SOX6: variants seen among roughly 807,000 people sequenced by gnomAD.
SOX6 encodes transcription factor SOX-6.
In SOX6, 11 loss-of-function variants were observed where a neutral mutation model predicts 97.8. That is an observed-to-expected ratio of 0.11 (90% CI 0.07 to 0.19). The LOEUF is 0.19. Ranked by LOEUF, SOX6 falls within the 10% of genes least tolerant of loss-of-function variation. The probability of loss-of-function intolerance (pLI) is 1.00; values close to 1 mark genes in which losing one functional copy is unlikely to be tolerated. For synonymous variants in SOX6, 360 were observed against 371.4 expected, an observed-to-expected ratio of 0.97 and a Z score of 0.35; for missense variants, 810 against 1,039.5, an observed-to-expected ratio of 0.78 and a Z score of 3.04.
rs972121737 is a variant in SOX6 at position 16,110,919 on chromosome 11, C to T, written c.898+884G>A. ...AACTGCTGCACGCAGATTTGTTGTACTCAGATTTGATGGTAAATATAATCA... is the reference window on the plus strand; with the variant it reads ...AACTGCTGCACGCAGATTTGTTGTATTCAGATTTGATGGTAAATATAATCA... On this transcript the variant is annotated intron_variant, in intron 7 of 15. Transcript: ENST00000683767. 4.6e-5 allele frequency among the ~76,000 whole-genome samples: 7 copies of T among 152,142 alleles called. No homozygotes were observed. In the East Asian group the frequency reaches 1.3e-3, roughly 29 times the overall value.
intron 1 of SOX6, among the ~76,000 whole-genome samples, chr11:16,399,869 T>C (rs532207672): frequency 2.2e-4 from 34 of 151,522 alleles, no homozygotes; most frequent in Middle Eastern, 3.4e-3. Flanking sequence ...TCAAGTGCCA[T>C]GATTTGATTT....
At chr11:16,515,028 G>C (rs1453705106) in intron 4 of SOX6, among the ~76,000 whole-genome samples, 2 of 151,724 alleles carry the variant, frequency 1.3e-5, no homozygotes, top group African/African-American at 4.8e-5. Context: ...TGTCTTTATA[G>C]CAGCATGATT....
At chr11:16,034,171 T>C (rs1315953028) in intron 12 of SOX6, among the ~76,000 whole-genome samples, 2 of 152,192 alleles carry the variant, frequency 1.3e-5, no homozygotes, top group Non-Finnish European at 2.9e-5. Context: ...AAAAATTATG[T>C]TGACTCTCAA....
intron 4 of SOX6, chr11:16,567,259 G>C (rs2133196156): frequency 6.5e-6 from 1 of 152,982 alleles, no homozygotes; most frequent in South Asian, 2.1e-4. Context: ...ATCAAAGAGA[G>C]ACTTCTAAGA....
chr11:15,994,813 G>A (rs540710463), intron 13 of SOX6, among the ~76,000 whole-genome samples: 1 of 152,016 alleles, frequency 6.6e-6, no homozygotes. Context: ...TATCAGCCCT[G>A]TCCTCCAATA....
intron 4 of SOX6, among the ~76,000 whole-genome samples, chr11:16,503,648 T>C (rs1860741767): frequency 6.6e-6 from 1 of 152,208 alleles, no homozygotes; most frequent in African/African-American, 2.4e-5. Flanking sequence ...GCTATACTTA[T>C]GTCAGATAAC....
chr11:16,485,756 T>C (rs1321600347), intron 4 of SOX6, among the ~76,000 whole-genome samples: 1 of 148,046 alleles, frequency 6.8e-6, no homozygotes, highest in Admixed American at 6.7e-5. Context: ...TAGCCAGGCA[T>C]GGTGGCACAC....
chr11:16,276,024 T>A (rs1854391652), intron 3 of SOX6, among the ~76,000 whole-genome samples: 1 of 152,202 alleles, frequency 6.6e-6, no homozygotes, highest in Non-Finnish European at 1.5e-5. Context: ...GTACTTTAAA[T>A]ATATGAATTG....
intron 4 of SOX6, among the ~76,000 whole-genome samples, chr11:16,546,264 A>G (rs1230467711): frequency 6.6e-6 from 1 of 152,186 alleles, no homozygotes. Flanking sequence ...TGTTAAAATG[A>G]CCATACTACC....
At chr11:16,681,284 G>C (rs1357273785) in intron 3 of SOX6, among the ~76,000 whole-genome samples, 1 of 152,092 alleles carries the variant, frequency 6.6e-6, no homozygotes, top group Non-Finnish European at 1.5e-5. Flanking sequence ...GCAATCAAAT[G>C]AGAACTCAGG....
Position 16,650,800 on chromosome 11 carries a change from AG to A in SOX6, n.430-38541del, listed in dbSNP as rs1208720767. ...GAGCAGAACTAAATGAAATTGAAAC[AG>A]AAAAAAAAAATACAAAAGATAAATG... On this transcript the variant is annotated intron_variant and non_coding_transcript_variant, in intron 3 of 5. Transcript: ENST00000524520. 1.2e-4 allele frequency among the ~76,000 whole-genome samples: 7 copies of A among 57,486 alleles called. No individual in the cohort carries two copies. The South Asian group carries it at 3.1e-3, about 26-fold the overall frequency. The allele number at this position is 57,486 out of a possible 152,430, so 37.7% of individuals were successfully genotyped here. A position where few individuals can be genotyped will look rare whatever the true frequency, so the allele number is the denominator to read the frequency against.
intron 7 of SOX6, among the ~76,000 whole-genome samples, chr11:16,108,938 T>A (rs1375872336): frequency 6.6e-6 from 1 of 152,122 alleles, no homozygotes; most frequent in Non-Finnish European, 1.5e-5. Context: ...CCCAAGGTAG[T>A]CCTTGCTCTC....
chr11:16,596,095 C>T (rs1414828417), intron 4 of SOX6, among the ~76,000 whole-genome samples: 1 of 152,148 alleles, frequency 6.6e-6, no homozygotes, highest in African/African-American at 2.4e-5. Flanking sequence ...ACAGAAATAA[C>T]ACCTAGATCT....
intron 15 of SOX6, among the ~76,000 whole-genome samples, chr11:15,983,040 C>A (rs557767672): frequency 1.6e-4 from 24 of 152,158 alleles, no homozygotes; most frequent in African/African-American, 5.5e-4. Flanking sequence ...ATGTGTCCAA[C>A]ACTTTATTAA....
chr11:16,624,948 G>A (rs1015670951), intron 3 of SOX6, among the ~76,000 whole-genome samples: 1 of 152,008 alleles, frequency 6.6e-6, no homozygotes, highest in Non-Finnish European at 1.5e-5. Flanking sequence ...CAAGGTCTTT[G>A]ATCTTTTTTT....
At chr11:16,125,033 AG>A (rs1463347631) in intron 6 of SOX6, among the ~76,000 whole-genome samples, 4 of 152,074 alleles carry the variant, frequency 2.6e-5, no homozygotes, top group African/African-American at 9.7e-5. Context: ...GTATGCTACT[AG>A]GATGGTGCCT....
intron 1 of SOX6, among the ~76,000 whole-genome samples, chr11:16,424,816 T>A (rs933947561): frequency 6.6e-6 from 1 of 152,230 alleles, no homozygotes; most frequent in African/African-American, 2.4e-5. Context: ...ACAAGCCATA[T>A]GGCTCTGGGG....
At chr11:16,508,655 G>T (rs35301664) in intron 4 of SOX6, among the ~76,000 whole-genome samples, 26,132 of 151,914 alleles carry the variant, frequency 0.17, 2,283 homozygotes, top group African/African-American at 0.19. Flanking sequence ...CATGGAGAGA[G>T]AGTATAGACC....
upstream of SOX6, among the ~76,000 whole-genome samples, chr11:16,476,638 T>C (rs1860255394): frequency 6.6e-6 from 1 of 152,042 alleles, no homozygotes. Context: ...AAGTAGGTGA[T>C]AAAAATACAA....
Sources: allele counts gnomAD v4.1 joint callset (sites outside exome capture counted in the v4.1 genomes callset), GRCh38; gene constraint gnomAD v4.1.1; transcripts MANE v1.5; gene names NCBI Gene and HGNC (gene_info 2026-07-23, HGNC 2026-07-21).